Variants in PRUNE1 observed in about 807,000 individuals in gnomAD.
PRUNE1 encodes the protein prune exopolyphosphatase 1.
A neutral mutation model predicts 42.5 loss-of-function variants in PRUNE1; 25 were observed. That is an observed-to-expected ratio of 0.59 (90% CI 0.43 to 0.82). The LOEUF is 0.82. PRUNE1 is among the 40% of genes least tolerant of loss of function. The pLI is 0.00. For missense variants in PRUNE1, 443 were observed against 539.3 expected, an observed-to-expected ratio of 0.82 and a Z score of 1.77; for synonymous variants, 203 against 217.1, an observed-to-expected ratio of 0.93 and a Z score of 0.57.
intron 1 of PRUNE1, among the ~76,000 whole-genome samples, chr1:151,009,228 C>G (rs147336645): frequency 6.6e-6 from 1 of 152,160 alleles, no homozygotes; most frequent in Non-Finnish European, 1.5e-5. Flanking sequence ...TACTTTAAGT[C>G]AGTGTTTTTA....
chr1:151,010,159 A>G (rs1673676781), intron 1 of PRUNE1, among the ~76,000 whole-genome samples: 2 of 151,662 alleles, frequency 1.3e-5, no homozygotes, highest in African/African-American at 2.4e-5. Context: ...CTGGAGTGCA[A>G]TGGTGTGATC....
chr1:151,021,588 C>T (rs1458129115), intron 3 of PRUNE1, among the ~76,000 whole-genome samples: 1 of 152,174 alleles, frequency 6.6e-6, no homozygotes, highest in Non-Finnish European at 1.5e-5. Flanking sequence ...ATGTGACTTT[C>T]CTAAGTCTGT....
chr1:151,027,746 T>TAG (rs1674947058), intron 6 of PRUNE1, among the ~76,000 whole-genome samples: 2 of 103,964 alleles, frequency 1.9e-5, no homozygotes, highest in Admixed American at 1.0e-4. Context: ...CACACCTAAC[T>TAG]AGTGTGTGTG....
At chr1:151,020,677 T>A (rs1284226342) in intron 3 of PRUNE1, among the ~76,000 whole-genome samples, 3 of 152,032 alleles carry the variant, frequency 2.0e-5, no homozygotes, top group African/African-American at 7.2e-5. Context: ...TAATGTATTA[T>A]GTTAGAATAT....
Position 151,028,725 on chromosome 1 carries a change from A to C in PRUNE1, c.775-61A>C, listed in dbSNP as rs979891871. On this transcript the variant is annotated intron_variant, in intron 6 of 7. Transcript: ENST00000271620. ...GGCGTAAGCGACCGTGCCCGGCCCA[A>C]GGATGTTTTATTGATGATGATGAGA... 1.0e-5 allele frequency: 16 copies of C among 1,563,488 alleles called. No homozygotes were observed. The African/African-American group carries it at 1.6e-4, about 16-fold the overall frequency.
In PRUNE1 at chr1:151,017,592, T is replaced by G. The variant is rs7518117; in HGVS notation, c.40-220T>G. ...CTACAAAAAAATACAAAAAATTAGC[T>G]GGGCATGGTGGCGCTTTCCTGTAGT... On this transcript the variant is annotated intron_variant, in intron 1 of 7. Coordinates refer to ENST00000271620, the MANE Select transcript of PRUNE1 (RefSeq NM_021222.3). Among the ~76,000 whole-genome samples, 430 of 152,110 alleles carry G rather than the reference T, an allele frequency of 2.8e-3. 1 individual carries two copies. The highest frequency in any genetic ancestry group is 0.01 in the African/African-American group (416 of 41,494).
intron 1 of PRUNE1, among the ~76,000 whole-genome samples, chr1:151,014,964 G>C (rs931215310): frequency 6.6e-6 from 1 of 152,156 alleles, no homozygotes; most frequent in African/African-American, 2.4e-5. Context: ...GGCCGAGGCA[G>C]CTGTATCACT....
rs587727445 is a variant in PRUNE1 at position 151,013,953 on chromosome 1, G to C, written c.40-3859G>C. 4.0e-5 allele frequency among the ~76,000 whole-genome samples: 6 copies of C among 151,742 alleles called. No individual in the cohort carries two copies. In the South Asian group the frequency reaches 1.2e-3, roughly 32 times the overall value. On this transcript the variant is annotated intron_variant, in intron 1 of 7. Transcript: ENST00000271620. ...TAAAGAATCCCCCTACCCCAGTGCT[G>C]TTCAGTATGAATGGGCCTTTGCTTC...
At chr1:151,024,401 A>G (rs1674686112) in intron 3 of PRUNE1, among the ~76,000 whole-genome samples, 1 of 152,128 alleles carries the variant, frequency 6.6e-6, no homozygotes, top group Non-Finnish European at 1.5e-5. Context: ...AGGCTGAGGC[A>G]GGAGAATCGC....
chr1:151,022,545 A>G lies in PRUNE1; in HGVS notation c.336-2066A>G, dbSNP rs587726202. On this transcript the variant is annotated intron_variant, in intron 3 of 7. Coordinates refer to ENST00000271620, the MANE Select transcript of PRUNE1 (RefSeq NM_021222.3). ...GCCATTCTCCTGCCTCAGCCTCCCG[A>G]GTAGCTGGGACTACAGGTGTGCCCG... Among the ~76,000 whole-genome samples the G allele has an allele frequency of 6.9e-4, 104 of 151,230 alleles. 1 individual carries two copies. Among genetic ancestry groups the G allele is most frequent in the African/African-American group, 2.5e-3 (103 of 41,164 alleles).
At position 151,012,019 on chromosome 1, in the gene PRUNE1, G is replaced by A. The variant is rs751017548; in HGVS notation, c.39+3348G>A. Reference sequence around the variant, plus strand: ...GTCTCAATCTCTTGACCTCGTGGTCGGCCCACCTCGGCCTCCCAAAGTGCT... The same window carrying A: ...GTCTCAATCTCTTGACCTCGTGGTCAGCCCACCTCGGCCTCCCAAAGTGCT... On this transcript the variant is annotated intron_variant, in intron 1 of 7. Transcript: ENST00000271620. Among the ~76,000 whole-genome samples, 74 of 151,940 alleles carry A rather than the reference G, an allele frequency of 4.9e-4. 2 individuals are homozygous for A. The Middle Eastern group carries it at 0.01, about 21-fold the overall frequency.
chr1:151,018,576 G>C lies in PRUNE1; in HGVS notation c.242G>C (p.Ser81Thr), dbSNP rs199585916. 8.1e-6 allele frequency: 13 copies of C among 1,614,086 alleles called. No homozygotes were observed. The East Asian group carries it at 2.9e-4, about 36-fold the overall frequency. ...CTTCAGAAGGTTCATATTCCAGAGA[G>C]TATCTTGATTTTTCGGGATGAGATT... The part of the protein sequence containing the change: ...FFLQKVHIPE[S>T]ILIFRDEIDL... The change falls in exon 3 of 8, where the codon AGT becomes ACT. Residue 81 changes from serine (S) to threonine (T), a missense_variant. Transcript: ENST00000271620.
In PRUNE1 at chr1:151,034,174, C is replaced by T. The variant is rs774260214; in HGVS notation, c.1302C>T (p.Phe434=). The part of the protein sequence containing the change: ...GLPKLSAEAV[F]EKCSQISLSQ... Reference sequence around the variant, plus strand: ...CTAAACTCTCTGCTGAGGCCGTCTTCGAGAAGTGCAGTCAGATCTCACTGT... The same window carrying T: ...CTAAACTCTCTGCTGAGGCCGTCTTTGAGAAGTGCAGTCAGATCTCACTGT... The change falls in exon 8 of 8, where the codon TTC becomes TTT. Residue 434 remains phenylalanine (F), a synonymous_variant. Coordinates refer to ENST00000271620, the MANE Select transcript of PRUNE1 (RefSeq NM_021222.3). 2.4e-5 allele frequency: 38 copies of T among 1,614,110 alleles called. No homozygotes were observed. Among genetic ancestry groups the T allele is most frequent in the Middle Eastern group, 1.7e-4 (1 of 6,024 alleles).
chr1:151,025,892 C>G (rs751436821), intron 5 of PRUNE1, among the ~76,000 whole-genome samples: 2 of 151,872 alleles, frequency 1.3e-5, no homozygotes, highest in Non-Finnish European at 2.9e-5. Context: ...AGGCGCCCAC[C>G]ACCACGCCCA....
chr1:151,012,158 A>G (rs1673810314), intron 1 of PRUNE1, among the ~76,000 whole-genome samples: 1 of 151,924 alleles, frequency 6.6e-6, no homozygotes, highest in South Asian at 2.1e-4. Flanking sequence ...TATTTTTTCC[A>G]TTGGCAGCTT....
intron 3 of PRUNE1, among the ~76,000 whole-genome samples, chr1:151,024,026 C>CAA (rs889530553): frequency 2.1e-5 from 3 of 144,442 alleles, no homozygotes; most frequent in African/African-American, 7.6e-5. Context: ...ACTAAAAATA[C>CAA]AAAAAAAAAA....
Position 151,024,770 on chromosome 1 carries a change from C to A in PRUNE1, c.495C>A (p.Asp165Glu). The part of the protein sequence containing the change: ...RILQGAPEIL[D>E]RQTAALLHGT... Reference sequence around the variant, plus strand: ...TGCAGGGGGCACCAGAGATCTTGGACAGGCAAACTGCAGCCCTTCTGCATG... The same window carrying A: ...TGCAGGGGGCACCAGAGATCTTGGAAAGGCAAACTGCAGCCCTTCTGCATG... Residue 165 changes from aspartate to glutamate, a missense_variant, in exon 4 of 8, where the codon GAC becomes GAA. Coordinates refer to ENST00000271620, the MANE Select transcript of PRUNE1 (RefSeq NM_021222.3). The A allele has an allele frequency of 6.2e-7, 1 of 1,613,578 alleles. No individual in the cohort carries two copies. Among genetic ancestry groups the A allele is most frequent in the Non-Finnish European group, 8.5e-7 (1 of 1,179,740 alleles).
rs2102937931 is a variant in PRUNE1 at position 151,029,047 on chromosome 1, T to C, written c.933+103T>C. The C allele has an allele frequency of 7.2e-6, 9 of 1,243,838 alleles. No homozygotes were observed. The South Asian group carries it at 1.1e-4, about 15-fold the overall frequency. 77.1% of individuals were successfully genotyped at this position (1,243,838 alleles called of 1,614,324 possible). On this transcript the variant is annotated intron_variant, in intron 7 of 7. Transcript: ENST00000271620. Reference sequence around the variant, plus strand: ...TATAAGGACCTCTCTTAGGTTCTTATATTAATGTACTTACATGAGGTCCCT... The same window carrying C: ...TATAAGGACCTCTCTTAGGTTCTTACATTAATGTACTTACATGAGGTCCCT...
In PRUNE1 at chr1:151,013,216, C is replaced by G. The variant is rs138002400; in HGVS notation, c.39+4545C>G. Among the ~76,000 whole-genome samples, 7 of 152,310 alleles carry G rather than the reference C, an allele frequency of 4.6e-5. No individual in the cohort carries two copies. In the East Asian group the frequency reaches 9.6e-4, roughly 21 times the overall value. On this transcript the variant is annotated intron_variant, in intron 1 of 7. Coordinates refer to ENST00000271620, the MANE Select transcript of PRUNE1 (RefSeq NM_021222.3). ...AGAACAAATAGTGCAAAGGGCAGAG[C>G]TGGGAATGTGCACATCATGGTTTGC...
Sources: allele counts gnomAD v4.1 joint callset (sites outside exome capture counted in the v4.1 genomes callset), GRCh38; gene constraint gnomAD v4.1.1; transcripts MANE v1.5; gene names NCBI Gene and HGNC (gene_info 2026-07-23, HGNC 2026-07-21).